SMYD3: variants seen among roughly 807,000 people sequenced by gnomAD.
The protein encoded by SMYD3 is histone-lysine N-methyltransferase SMYD3.
In SMYD3, 36 loss-of-function variants were observed where a neutral mutation model predicts 57.7. The ratio of observed to expected loss-of-function variants is 0.62; its 90% CI spans 0.48 to 0.82. The LOEUF (loss-of-function observed/expected upper bound fraction) is 0.82, where lower values mean the gene tolerates loss of function less well. Among genes scored for constraint, SMYD3 ranks in the 40% least tolerant of loss-of-function variants. SMYD3 has a pLI of 0.00. For synonymous variants in SMYD3, 211 were observed against 195.0 expected, an observed-to-expected ratio of 1.08 and a Z score of -0.68; for missense variants, 515 against 538.8, an observed-to-expected ratio of 0.96 and a Z score of 0.44.
intron 5 of SMYD3, among the ~76,000 whole-genome samples, chr1:246,044,070 T>C (rs1237274938): frequency 1.3e-5 from 2 of 152,194 alleles, no homozygotes; most frequent in Non-Finnish European, 2.9e-5. Flanking sequence ...TAGTCTAAGA[T>C]TTCAATTTTT....
At chr1:245,811,150 T>C (rs1406664999) in intron 10 of SMYD3, among the ~76,000 whole-genome samples, 1 of 152,180 alleles carries the variant, frequency 6.6e-6, no homozygotes, top group African/African-American at 2.4e-5. Flanking sequence ...CCTGTGGCCT[T>C]TCCAGTTTCC....
chr1:246,319,713 T>C (rs2065216927), intron 5 of SMYD3, among the ~76,000 whole-genome samples: 1 of 152,048 alleles, frequency 6.6e-6, no homozygotes, highest in Non-Finnish European at 1.5e-5. Flanking sequence ...TCCCACAAAT[T>C]AGCCCACCAA....
At chr1:245,882,660 T>C (rs1316440733) in intron 8 of SMYD3, among the ~76,000 whole-genome samples, 2 of 152,144 alleles carry the variant, frequency 1.3e-5, no homozygotes, top group African/African-American at 4.8e-5. Context: ...GTTACACATC[T>C]GTTCTGCAAT....
chr1:246,297,397 A>G (rs928719695), intron 5 of SMYD3, among the ~76,000 whole-genome samples: 1 of 152,132 alleles, frequency 6.6e-6, no homozygotes, highest in Admixed American at 6.6e-5. Context: ...ACGTGAGTGA[A>G]TTCACTTCAG....
At chr1:245,759,444 A>G (rs1028376388) in intron 11 of SMYD3, among the ~76,000 whole-genome samples, 1 of 148,242 alleles carries the variant, frequency 6.7e-6, no homozygotes, top group African/African-American at 2.7e-5. Flanking sequence ...CCCACCAAAT[A>G]TACAAAAGGT....
chr1:246,492,575 AC>A (rs1489489460), intron 1 of SMYD3, among the ~76,000 whole-genome samples: 3 of 152,238 alleles, frequency 2.0e-5, no homozygotes, highest in African/African-American at 7.2e-5. Context: ...TATTTAACAA[AC>A]GATAGAAACC....
At position 245,813,031 on chromosome 1, in the gene SMYD3, TTGAGACG is replaced by T. The variant is rs1323660471; in HGVS notation, c.1076+45458_1076+45464del. 2.1e-3 allele frequency among the ~76,000 whole-genome samples: 278 copies of T among 132,112 alleles called. 4 individuals are homozygous for T. The highest frequency in any genetic ancestry group is 8.6e-3 in the African/African-American group (264 of 30,654). The allele number at this position is 132,112 out of a possible 152,430, so 86.7% of individuals were successfully genotyped here. The stretch of plus-strand genomic sequence containing the variant: ...TTTTTTTTTTTTTTTTTTTTTTTTT[TTGAGACG>T]GAGTCTCGCTCTGTTGCCCAGGCTG... On this transcript the variant is annotated intron_variant, in intron 10 of 11. Coordinates refer to ENST00000490107, the MANE Select transcript of SMYD3 (RefSeq NM_001167740.2).
chr1:246,418,265 C>T (rs2067092727), intron 1 of SMYD3, among the ~76,000 whole-genome samples: 1 of 152,322 alleles, frequency 6.6e-6, no homozygotes, highest in Admixed American at 6.5e-5. Context: ...TATATGGTTC[C>T]ACTTATAAGA....
chr1:246,210,427 T>C (rs763782492), intron 5 of SMYD3, among the ~76,000 whole-genome samples: 8 of 152,250 alleles, frequency 5.3e-5, no homozygotes, highest in South Asian at 2.1e-4. Context: ...TGATATAAAA[T>C]AGGAATTCTG....
At chr1:246,390,650 T>C (rs1011212798) in intron 1 of SMYD3, among the ~76,000 whole-genome samples, 4 of 152,246 alleles carry the variant, frequency 2.6e-5, no homozygotes, top group African/African-American at 9.6e-5. Context: ...CAACATATTT[T>C]ATTTAATCCA....
intron 5 of SMYD3, among the ~76,000 whole-genome samples, chr1:246,226,455 A>G (rs1424291617): frequency 1.3e-5 from 2 of 152,248 alleles, no homozygotes; most frequent in African/African-American, 2.4e-5. Flanking sequence ...TGCTAGAATA[A>G]TTATAAATTA....
At chr1:246,474,889 G>T (rs540629404) in intron 1 of SMYD3, among the ~76,000 whole-genome samples, 1 of 152,168 alleles carries the variant, frequency 6.6e-6, no homozygotes, top group Non-Finnish European at 1.5e-5. Flanking sequence ...GAGCCTTGTA[G>T]CTAGGACTGG....
chr1:246,327,370 CAAAG>C, intron 4 of SMYD3, 33 bp from the exon 5 acceptor site: 1 of 1,581,108 alleles, frequency 6.3e-7, no homozygotes, highest in South Asian at 1.1e-5. Flanking sequence ...AGCACAATCT[CAAAG>C]TAAACTTCTG....
At chr1:246,362,980 C>T (rs1369595276) in intron 1 of SMYD3, among the ~76,000 whole-genome samples, 2 of 150,260 alleles carry the variant, frequency 1.3e-5, no homozygotes, top group Admixed American at 6.6e-5. Flanking sequence ...AAGTGAGGAG[C>T]GTCTCTGCCC....
chr1:245,909,652 T>C lies in SMYD3; in HGVS notation c.813+5878A>G, dbSNP rs529337497. On this transcript the variant is annotated intron_variant, in intron 8 of 11. Transcript: ENST00000490107. ...GTTCATCTCAGGGATGGAAGGATGGTTGAACATATGTAAATCAATAAAGGT... is the reference window on the plus strand; with the variant it reads ...GTTCATCTCAGGGATGGAAGGATGGCTGAACATATGTAAATCAATAAAGGT... 3.9e-5 allele frequency among the ~76,000 whole-genome samples: 6 copies of C among 152,128 alleles called. No homozygotes were observed. The East Asian group carries it at 7.7e-4, about 20-fold the overall frequency.
At chr1:246,217,902 A>G (rs1477228689) in intron 5 of SMYD3, among the ~76,000 whole-genome samples, 2 of 152,190 alleles carry the variant, frequency 1.3e-5, no homozygotes. Flanking sequence ...AAGCATACTC[A>G]TGGCCCAACA....
intron 10 of SMYD3, among the ~76,000 whole-genome samples, chr1:245,808,769 G>A (rs1448766185): frequency 6.6e-6 from 1 of 151,360 alleles, no homozygotes; most frequent in Admixed American, 6.6e-5. Context: ...TTTTTTTTTA[G>A]TTTTTATTTG....
At chr1:246,469,122 C>CA (rs140727370) in intron 1 of SMYD3, among the ~76,000 whole-genome samples, 9 of 152,322 alleles carry the variant, frequency 5.9e-5, no homozygotes, top group Non-Finnish European at 7.4e-5. Context: ...ATGAAGAACT[C>CA]AGAGTTGCCA....
chr1:246,190,257 C>A (rs1403997781), intron 5 of SMYD3, among the ~76,000 whole-genome samples: 1 of 152,130 alleles, frequency 6.6e-6, no homozygotes, highest in Non-Finnish European at 1.5e-5. Context: ...CACACACAGA[C>A]CGTAGCGTAT....
Sources: allele counts gnomAD v4.1 joint callset (sites outside exome capture counted in the v4.1 genomes callset), GRCh38; gene constraint gnomAD v4.1.1; transcripts MANE v1.5; gene names NCBI Gene and HGNC (gene_info 2026-07-23, HGNC 2026-07-21).